DMD: variants seen among roughly 807,000 people sequenced by gnomAD.
DMD encodes the protein dystrophin.
In DMD, 63 loss-of-function variants were observed where a neutral mutation model predicts 330.1. The ratio of observed to expected loss-of-function variants is 0.19; its 90% CI spans 0.16 to 0.24. The LOEUF (loss-of-function observed/expected upper bound fraction) is 0.24, where lower values mean the gene tolerates loss of function less well. Ranked by LOEUF, DMD falls within the 10% of genes least tolerant of loss-of-function variation. DMD has a pLI of 1.00. For missense variants in DMD, 3,344 were observed against 2,684.1 expected, an observed-to-expected ratio of 1.25 and a Z score of -5.43; for synonymous variants, 1,223 against 959.8, an observed-to-expected ratio of 1.27 and a Z score of -5.07.
intron 7 of DMD, among the ~76,000 whole-genome samples, chrX:32,720,763 C>T (rs113868721): frequency 3.7e-3 from 412 of 110,786 alleles, no homozygotes; most frequent in African/African-American, 0.013. Context: ...TACATTTTAC[C>T]CCATTATTAT....
intron 9 of DMD, among the ~76,000 whole-genome samples, chrX:32,645,628 A>C (rs892166935): frequency 8.9e-6 from 1 of 111,764 alleles, no homozygotes; most frequent in Non-Finnish European, 1.9e-5. Flanking sequence ...GTAAGAAAAC[A>C]AGGAGGTAGG....
chrX:32,694,961 T>C (rs1360150981), intron 9 of DMD, among the ~76,000 whole-genome samples: 5 of 112,002 alleles, frequency 4.5e-5, no homozygotes, highest in African/African-American at 1.3e-4. Context: ...GGCCTTACCA[T>C]TTATTAAATG....
intron 52 of DMD, among the ~76,000 whole-genome samples, chrX:31,723,405 T>G (rs2085733275): frequency 9.0e-6 from 1 of 111,443 alleles, no homozygotes; most frequent in Admixed American, 9.6e-5. Flanking sequence ...GTTATGACAT[T>G]AATCTTCCAA....
chrX:31,588,878 T>G (rs2076734667), intron 55 of DMD, among the ~76,000 whole-genome samples: 2 of 106,654 alleles, frequency 1.9e-5, no homozygotes, highest in Non-Finnish European at 3.9e-5. Context: ...CTATGTTTTT[T>G]TTTTTTTTTT....
intron 3 of DMD, among the ~76,000 whole-genome samples, chrX:32,848,646 T>A (rs1431878827): frequency 1.0e-5 from 1 of 96,151 alleles, no homozygotes; most frequent in Non-Finnish European, 2.4e-5. Context: ...GACTTCAGAA[T>A]TTAATTGAGG....
At chrX:32,553,907 G>T (rs765031724) in intron 16 of DMD, among the ~76,000 whole-genome samples, 112 of 111,662 alleles carry the variant, frequency 1.0e-3, no homozygotes, top group African/African-American at 3.6e-3. Context: ...ACCCTTGCCA[G>T]ATCGTGGCCA....
At chrX:31,160,045 C>G (rs755308349) in intron 74 of DMD, among the ~76,000 whole-genome samples, 1 of 112,224 alleles carries the variant, frequency 8.9e-6, no homozygotes, top group Non-Finnish European at 1.9e-5. Context: ...CTGGCCTTTG[C>G]ATCTAACTAC....
chrX:31,945,702 G>A (rs2095076999), intron 45 of DMD, among the ~76,000 whole-genome samples: 1 of 111,659 alleles, frequency 9.0e-6, no homozygotes, highest in African/African-American at 3.3e-5. Context: ...AATTAAGATT[G>A]TTAGGAGAGT....
intron 41 of DMD, among the ~76,000 whole-genome samples, chrX:32,341,576 A>T (rs2097742992): frequency 8.9e-6 from 1 of 111,951 alleles, no homozygotes; most frequent in African/African-American, 3.2e-5. Flanking sequence ...CAGTTCTTTT[A>T]TGGGCACTGT....
rs1481445275 is a variant in DMD at position 32,483,164 on chromosome X, T to TATATATAC, written c.2803+1754_2803+1755insGTATATAT. Reference sequence around the variant, plus strand: ...TTCATTCCATATATATATATATATATACACCATATTTAATTAAAGGGTTAT... The same window carrying TATATATAC: ...TTCATTCCATATATATATATATATATATATATACACACCATATTTAATTAAAGGGTTAT... On this transcript the variant is annotated intron_variant, in intron 21 of 78. Coordinates refer to ENST00000357033, the MANE Select transcript of DMD (RefSeq NM_004006.3). Among the ~76,000 whole-genome samples the TATATATAC allele has an allele frequency of 6.0e-3, 369 of 61,593 alleles. 57 individuals are homozygous for TATATATAC. Among genetic ancestry groups the TATATATAC allele is most frequent in the East Asian group, 0.035 (49 of 1,404 alleles). 53.5% of individuals were successfully genotyped at this position (61,593 alleles called of 115,157 possible). A position where few individuals can be genotyped will look rare whatever the true frequency, so the allele number is the denominator to read the frequency against.
chrX:31,447,605 T>C (rs1199952776), intron 59 of DMD, among the ~76,000 whole-genome samples: 1 of 111,619 alleles, frequency 9.0e-6, no homozygotes, highest in Non-Finnish European at 1.9e-5. Context: ...TTATTATTTC[T>C]ATAAAAACCA....
chrX:31,125,983 C>T (rs559892501), intron 78 of DMD, among the ~76,000 whole-genome samples: 115 of 111,543 alleles, frequency 1.0e-3, no homozygotes, highest in South Asian at 6.5e-3. Context: ...ATCCTTGGCT[C>T]TGTCACCTGG....
intron 43 of DMD, among the ~76,000 whole-genome samples, chrX:32,279,185 A>G (rs1056708763): frequency 2.0e-4 from 22 of 111,740 alleles, no homozygotes; most frequent in African/African-American, 5.9e-4. Flanking sequence ...GAGTGTGAAG[A>G]AAAGGGGACT....
At chrX:33,226,800 T>A (rs2052298919) in intron 1 of DMD, among the ~76,000 whole-genome samples, 1 of 110,599 alleles carries the variant, frequency 9.0e-6, no homozygotes, top group Non-Finnish European at 1.9e-5. Context: ...CTATCTTTTT[T>A]TTTTAAAAGA....
At chrX:31,209,040 A>C (rs2044375338) in intron 65 of DMD, among the ~76,000 whole-genome samples, 1 of 111,756 alleles carries the variant, frequency 8.9e-6, no homozygotes, top group Non-Finnish European at 1.9e-5. Flanking sequence ...GCTTGTTTTC[A>C]TTTTGTTTGG....
intron 44 of DMD, among the ~76,000 whole-genome samples, chrX:32,203,972 A>T (rs2097052765): frequency 8.9e-6 from 1 of 111,862 alleles, no homozygotes; most frequent in Admixed American, 9.5e-5. Flanking sequence ...TGATGACAAT[A>T]TAAAATAAGT....
In DMD at chrX:32,887,727, G is replaced by A. The variant is rs1470981760; in HGVS notation, c.94-37907C>T. On this transcript the variant is annotated intron_variant, in intron 2 of 78. Transcript: ENST00000357033. ...CGCACCATTGCATTCCAGCCTGGGTGACAAAGCAAGACTGTCTCAAAAAAA... is the reference window on the plus strand; with the variant it reads ...CGCACCATTGCATTCCAGCCTGGGTAACAAAGCAAGACTGTCTCAAAAAAA... Among the ~76,000 whole-genome samples the A allele has an allele frequency of 1.8e-4, 8 of 45,285 alleles. No individual in the cohort carries two copies. In the Admixed American group the frequency reaches 2.2e-3, roughly 13 times the overall value. The allele number at this position is 45,285 out of a possible 115,157, so 39.3% of individuals were successfully genotyped here.
chrX:32,693,843 G>A (rs1485269644), intron 9 of DMD, among the ~76,000 whole-genome samples: 1 of 111,381 alleles, frequency 9.0e-6, no homozygotes, highest in Non-Finnish European at 1.9e-5. Context: ...ACACACACAT[G>A]CACACACCAC....
chrX:32,986,364 T>G (rs2092843487), intron 2 of DMD, among the ~76,000 whole-genome samples: 1 of 112,355 alleles, frequency 8.9e-6, no homozygotes, highest in Non-Finnish European at 1.9e-5. Flanking sequence ...TAAATAAGTC[T>G]TACATATAGA....
Sources: allele counts gnomAD v4.1 joint callset (sites outside exome capture counted in the v4.1 genomes callset), GRCh38; gene constraint gnomAD v4.1.1; transcripts MANE v1.5; gene names NCBI Gene and HGNC (gene_info 2026-07-23, HGNC 2026-07-21).